The following CENPW variants were observed in gnomAD, a reference collection of about 807,000 sequenced individuals.
CENPW encodes the protein centromere protein W, also known as cancer-up-regulated gene 2 protein.
A neutral mutation model predicts 11.1 loss-of-function variants in CENPW; 3 were observed. The ratio of observed to expected loss-of-function variants is 0.27; its 90% CI spans 0.12 to 0.70. The LOEUF is 0.70. CENPW is among the 30% of genes least tolerant of loss of function. The pLI is 0.77. For synonymous variants in CENPW, 38 were observed against 42.0 expected (o/e 0.91, Z 0.37); for missense variants, 100 against 105.6 (o/e 0.95, Z 0.23).
chr6:126,394,167 C>T, the CENPW span, among the ~76,000 whole-genome samples: 1 of 151,530 alleles, frequency 6.6e-6, no homozygotes, highest in Non-Finnish European at 1.5e-5. Context: ...GTGAGCATTT[C>T]GTTATTTGCT....
chr6:126,408,209 A>G, the CENPW span, among the ~76,000 whole-genome samples: 4 of 152,126 alleles, frequency 2.6e-5, no homozygotes, highest in African/African-American at 7.2e-5. Flanking sequence ...GGACCCCTGT[A>G]TTAATCTGTT....
the CENPW span, among the ~76,000 whole-genome samples, chr6:126,429,192 C>G: frequency 6.6e-6 from 1 of 152,140 alleles, no homozygotes; most frequent in African/African-American, 2.4e-5. Context: ...GGATACATCT[C>G]AAGAAATACA....
chr6:126,359,479 T>C, the CENPW span, among the ~76,000 whole-genome samples: 1 of 152,130 alleles, frequency 6.6e-6, no homozygotes, highest in Non-Finnish European at 1.5e-5. Flanking sequence ...ATTTCTTTGT[T>C]AGTTTTCTGC....
At chr6:126,389,460 A>G in the CENPW span, among the ~76,000 whole-genome samples, 1 of 151,848 alleles carries the variant, frequency 6.6e-6, no homozygotes, top group Non-Finnish European at 1.5e-5. Flanking sequence ...TTATGTCCCT[A>G]GAGAGAAGAA....
At chr6:126,352,887 T>G (rs1780507813), downstream of CENPW, among the ~76,000 whole-genome samples, 1 of 152,140 alleles carries the variant, frequency 6.6e-6, no homozygotes, top group Non-Finnish European at 1.5e-5. Flanking sequence ...ATGATTCATT[T>G]TATTCTTTAT....
At chr6:126,468,839 T>C in the CENPW span, among the ~76,000 whole-genome samples, 3 of 152,172 alleles carry the variant, frequency 2.0e-5, no homozygotes, top group Admixed American at 1.3e-4. Flanking sequence ...ATGGAGTCTC[T>C]GTCACCTAGG....
At chr6:126,356,359 A>C in the CENPW span, among the ~76,000 whole-genome samples, 1 of 152,196 alleles carries the variant, frequency 6.6e-6, no homozygotes, top group East Asian at 1.9e-4. Flanking sequence ...AATCAGGATA[A>C]GGTTTTTCTT....
the CENPW span, among the ~76,000 whole-genome samples, chr6:126,464,868 T>A: frequency 6.6e-6 from 1 of 152,170 alleles, no homozygotes; most frequent in Non-Finnish European, 1.5e-5. Flanking sequence ...TAGAGAACCC[T>A]GACTAACACA....
chr6:126,399,762 T>C, the CENPW span, among the ~76,000 whole-genome samples: 25 of 152,226 alleles, frequency 1.6e-4, no homozygotes, highest in Middle Eastern at 6.8e-3. Context: ...TTTTGACCTA[T>C]GTAATTATCA....
At chr6:126,481,796 G>T in the CENPW span, among the ~76,000 whole-genome samples, 1 of 152,086 alleles carries the variant, frequency 6.6e-6, no homozygotes, top group Non-Finnish European at 1.5e-5. Context: ...AGAATCATTT[G>T]TGAGATCTAA....
the CENPW span, among the ~76,000 whole-genome samples, chr6:126,414,317 T>C: frequency 6.6e-6 from 1 of 152,122 alleles, no homozygotes; most frequent in Non-Finnish European, 1.5e-5. Flanking sequence ...CTAACAGACA[T>C]TTACAAAGCA....
the CENPW span, among the ~76,000 whole-genome samples, chr6:126,443,838 T>C: frequency 1.5e-4 from 22 of 151,402 alleles, no homozygotes; most frequent in African/African-American, 4.8e-4. Flanking sequence ...AAGTTTGTTC[T>C]GTAGTAGAAT....
chr6:126,471,658 A>G, the CENPW span, among the ~76,000 whole-genome samples: 1 of 152,210 alleles, frequency 6.6e-6, no homozygotes, highest in Non-Finnish European at 1.5e-5. Flanking sequence ...TAAAAATATG[A>G]TGAATCTCAG....
the CENPW span, among the ~76,000 whole-genome samples, chr6:126,355,850 C>CA: frequency 6.6e-6 from 1 of 152,110 alleles, no homozygotes; most frequent in Non-Finnish European, 1.5e-5. Context: ...CTTTAGTACT[C>CA]AAAGTCCATG....
chr6:126,373,956 G>A, the CENPW span, among the ~76,000 whole-genome samples: 1 of 152,166 alleles, frequency 6.6e-6, no homozygotes, highest in Non-Finnish European at 1.5e-5. Flanking sequence ...CTGATTAGTG[G>A]TTTAGGCCTT....
the CENPW span, among the ~76,000 whole-genome samples, chr6:126,433,967 T>G: frequency 3.2e-4 from 49 of 152,268 alleles, no homozygotes; most frequent in Non-Finnish European, 5.1e-4. Flanking sequence ...GAGTATATAA[T>G]TTTGAAGCTG....
chr6:126,475,512 T>C, the CENPW span, among the ~76,000 whole-genome samples: 1 of 152,186 alleles, frequency 6.6e-6, no homozygotes, highest in Middle Eastern at 3.4e-3. Context: ...AGAATATTCA[T>C]TTTTAGTTAG....
chr6:126,351,863 C>T (rs938259566), downstream of CENPW, among the ~76,000 whole-genome samples: 3 of 151,984 alleles, frequency 2.0e-5, no homozygotes, highest in South Asian at 4.2e-4. Context: ...TCTTCTTCCT[C>T]AGTATTTTAA....
the CENPW span, among the ~76,000 whole-genome samples, chr6:126,377,283 T>C: frequency 6.6e-6 from 1 of 152,170 alleles, no homozygotes; most frequent in African/African-American, 2.4e-5. Flanking sequence ...CTAATTAACT[T>C]TTCACTACTT....
Sources: allele counts gnomAD v4.1 joint callset (sites outside exome capture counted in the v4.1 genomes callset), GRCh38; gene constraint gnomAD v4.1.1; transcripts MANE v1.5; gene names NCBI Gene and HGNC (gene_info 2026-07-23, HGNC 2026-07-21).